Variants in GSE1 observed in about 807,000 individuals in gnomAD.
GSE1 encodes genetic suppressor element 1.
Under a neutral mutation model 112.6 loss-of-function variants are expected in GSE1, and 32 were observed. That is an observed-to-expected ratio of 0.28 (90% CI 0.21 to 0.38). GSE1 has a LOEUF of 0.38. Among genes scored for constraint, GSE1 ranks in the 10% least tolerant of loss-of-function variants. The pLI is 1.00. For synonymous variants in GSE1, 1,115 were observed against 735.6 expected (o/e 1.52, Z -8.35); for missense variants, 2,348 against 1,699.2 (o/e 1.38, Z -6.71).
At chr16:85,434,426 A>C (rs2049196725) in intron 2 of GSE1, among the ~76,000 whole-genome samples, 1 of 152,074 alleles carries the variant, frequency 6.6e-6, no homozygotes, top group Non-Finnish European at 1.5e-5. Flanking sequence ...CCAGTAATCC[A>C]GTAAGGGAAG....
intron 1 of GSE1, among the ~76,000 whole-genome samples, chr16:85,214,987 A>G (rs2075285438): frequency 6.6e-6 from 1 of 152,088 alleles, no homozygotes; most frequent in Non-Finnish European, 1.5e-5. Context: ...GTGGGTGGAG[A>G]CACAATGCCA....
intron 9 of GSE1, chr16:85,662,773 A>C: frequency 1.8e-6 from 1 of 545,376 alleles, no homozygotes; most frequent in Non-Finnish European, 3.3e-6. Context: ...CATGGATCCC[A>C]GGGAAGCCTG....
chr16:85,187,899 C>T (rs900621754), intron 1 of GSE1, among the ~76,000 whole-genome samples: 3 of 152,218 alleles, frequency 2.0e-5, no homozygotes, highest in South Asian at 2.1e-4. Flanking sequence ...ACTCAAAGGC[C>T]GTGGGAATGA....
chr16:85,276,093 C>G (rs548235461), intron 1 of GSE1, among the ~76,000 whole-genome samples: 3 of 152,246 alleles, frequency 2.0e-5, no homozygotes, highest in African/African-American at 7.2e-5. Flanking sequence ...GGGTTTGCCT[C>G]CCCACTTTAC....
intron 2 of GSE1, among the ~76,000 whole-genome samples, chr16:85,371,913 G>A (rs186344314): frequency 6.6e-6 from 1 of 152,356 alleles, no homozygotes; most frequent in African/African-American, 2.4e-5. Flanking sequence ...AAGGGCAGGA[G>A]GGGCTGGGAG....
At chr16:85,390,390 G>A (rs565608155) in intron 2 of GSE1, among the ~76,000 whole-genome samples, 245 of 152,154 alleles carry the variant, frequency 1.6e-3, no homozygotes, top group African/African-American at 5.7e-3. Flanking sequence ...GCTAAGTGGG[G>A]GGCACCCGTG....
At chr16:85,346,583 G>A (rs990225636) in intron 1 of GSE1, among the ~76,000 whole-genome samples, 3 of 141,318 alleles carry the variant, frequency 2.1e-5, no homozygotes, top group Non-Finnish European at 3.1e-5. Flanking sequence ...GACGAGTGGA[G>A]TGATGGTGGG....
intron 2 of GSE1, among the ~76,000 whole-genome samples, chr16:85,413,550 C>T (rs1597677772): frequency 6.6e-6 from 1 of 152,164 alleles, no homozygotes; most frequent in South Asian, 2.1e-4. Context: ...TTCCTTCAAC[C>T]CATGTCAGTA....
chr16:85,533,275 C>G (rs1357482999), intron 2 of GSE1, among the ~76,000 whole-genome samples: 1 of 151,798 alleles, frequency 6.6e-6, no homozygotes, highest in Admixed American at 6.6e-5. Flanking sequence ...CAAAAATTAG[C>G]CGGGCATGGT....
intron 2 of GSE1, among the ~76,000 whole-genome samples, chr16:85,403,576 G>C (rs2048169778): frequency 6.6e-6 from 1 of 152,126 alleles, no homozygotes; most frequent in Non-Finnish European, 1.5e-5. Context: ...GATCACTTGA[G>C]CCCAGGAGTT....
In GSE1 at chr16:85,672,881, A is replaced by C. The variant is rs774577633; in HGVS notation, c.*342A>C. On this transcript the variant is annotated 3_prime_UTR_variant, in exon 16 of 16. Coordinates refer to ENST00000253458, the MANE Select transcript of GSE1 (RefSeq NM_014615.5). ...CTTGATCATTAACAGCCCCCTGTGC[A>C]TATGAGTGGATCAAACCGGTTCTGT... 5.8e-6 allele frequency: 1 copy of C among 172,718 alleles called. No individual in the cohort carries two copies. The highest frequency in any genetic ancestry group is 1.5e-4 in the East Asian group (1 of 6,542). 10.7% of individuals were successfully genotyped at this position (172,718 alleles called of 1,614,324 possible).
chr16:85,287,094 G>A (rs558066748), intron 1 of GSE1, among the ~76,000 whole-genome samples: 33 of 152,356 alleles, frequency 2.2e-4, no homozygotes, highest in Non-Finnish European at 4.0e-4. Context: ...GACTGAGCTG[G>A]CGGCGGCAGA....
At chr16:85,260,920 G>T (rs1180277942) in intron 1 of GSE1, among the ~76,000 whole-genome samples, 2 of 152,254 alleles carry the variant, frequency 1.3e-5, no homozygotes, top group Non-Finnish European at 2.9e-5. Context: ...GACATCTGTT[G>T]ACCTACCCTG....
intron 2 of GSE1, among the ~76,000 whole-genome samples, chr16:85,501,971 G>A (rs2051383655): frequency 6.6e-6 from 1 of 152,222 alleles, no homozygotes. Flanking sequence ...GGGTTGGAGG[G>A]GCTGCTCTCC....
intron 1 of GSE1, among the ~76,000 whole-genome samples, chr16:85,236,726 C>G (rs960080636): frequency 1.3e-5 from 2 of 152,098 alleles, no homozygotes; most frequent in African/African-American, 4.8e-5. Context: ...GAGTCCTGGC[C>G]AAAGTTCTCT....
chr16:85,230,459 G>A (rs1026596818), intron 1 of GSE1, among the ~76,000 whole-genome samples: 5 of 152,142 alleles, frequency 3.3e-5, no homozygotes, highest in Admixed American at 1.3e-4. Context: ...TTACTGACTC[G>A]TGTAACCGAT....
Position 85,644,080 on chromosome 16 carries a change from C to T in GSE1, c.227-4472C>T, listed in dbSNP as rs140221090. ...CCGTTACTCATGCCTGTAATCCCAG[C>T]ACTGTGGGCAACTGAGGCGGGAGGA... On this transcript the variant is annotated intron_variant, in intron 2 of 15. Coordinates refer to ENST00000253458, the MANE Select transcript of GSE1 (RefSeq NM_014615.5). Among the ~76,000 whole-genome samples, 329 of 152,256 alleles carry T rather than the reference C, an allele frequency of 2.2e-3. 1 individual carries two copies. Among genetic ancestry groups the T allele is most frequent in the African/African-American group, 7.6e-3 (316 of 41,542 alleles).
intron 3 of GSE1, among the ~76,000 whole-genome samples, chr16:85,651,345 G>A (rs1310253817): frequency 6.6e-6 from 1 of 151,944 alleles, no homozygotes; most frequent in African/African-American, 2.4e-5. Context: ...GCGCCAGCCA[G>A]ACGGAAGCCA....
intron 1 of GSE1, among the ~76,000 whole-genome samples, chr16:85,216,849 C>T (rs577801084): frequency 2.1e-4 from 32 of 152,338 alleles, no homozygotes; most frequent in African/African-American, 5.1e-4. Flanking sequence ...TGTCTCTTGC[C>T]GGCTGCCTGG....
Sources: allele counts gnomAD v4.1 joint callset (sites outside exome capture counted in the v4.1 genomes callset), GRCh38; gene constraint gnomAD v4.1.1; transcripts MANE v1.5; gene names NCBI Gene and HGNC (gene_info 2026-07-23, HGNC 2026-07-21).